Variants in NEK10 observed in about 807,000 individuals in gnomAD.
The protein encoded by NEK10 is NIMA related kinase 10.
A neutral mutation model predicts 159.8 loss-of-function variants in NEK10; 122 were observed. The ratio of observed to expected loss-of-function variants is 0.76; its 90% CI spans 0.66 to 0.89. The LOEUF is 0.89. NEK10 is among the 40% of genes least tolerant of loss of function. The probability of loss-of-function intolerance (pLI) is 0.00; values close to 1 mark genes in which losing one functional copy is unlikely to be tolerated. For missense variants in NEK10, 1,342 were observed against 1,323.1 expected (o/e 1.01, Z -0.22); for synonymous variants, 466 against 457.1 (o/e 1.02, Z -0.25).
intron 31 of NEK10, among the ~76,000 whole-genome samples, chr3:27,139,277 A>G (rs1037530352): frequency 6.6e-6 from 1 of 152,212 alleles, no homozygotes; most frequent in Non-Finnish European, 1.5e-5. Context: ...AATTAAAAAT[A>G]GCTTGCCACT....
chr3:27,368,575 G>C (rs990952801), intron 1 of NEK10, among the ~76,000 whole-genome samples: 1 of 152,180 alleles, frequency 6.6e-6, no homozygotes, highest in Admixed American at 6.5e-5. Flanking sequence ...GTCGTCTAGA[G>C]TGTAGTTTTT....
intron 25 of NEK10, among the ~76,000 whole-genome samples, chr3:27,195,502 T>G (rs773951834): frequency 2.6e-5 from 4 of 152,234 alleles, no homozygotes; most frequent in Non-Finnish European, 4.4e-5. Flanking sequence ...GTCTTAACTT[T>G]AAATGAAAAT....
chr3:27,268,523 T>C (rs533283232), intron 22 of NEK10, among the ~76,000 whole-genome samples: 2 of 152,180 alleles, frequency 1.3e-5, no homozygotes, highest in Admixed American at 6.5e-5. Context: ...ACTCTGCTTG[T>C]TGTCTATAAG....
intron 26 of NEK10, among the ~76,000 whole-genome samples, chr3:27,181,336 T>C (rs542561180): frequency 1.3e-5 from 2 of 152,144 alleles, no homozygotes; most frequent in South Asian, 2.1e-4. Context: ...TTCTTTCCTC[T>C]AGCTTGTTAT....
chr3:27,171,246 G>C (rs1946954512), intron 29 of NEK10, among the ~76,000 whole-genome samples: 1 of 152,120 alleles, frequency 6.6e-6, no homozygotes, highest in Non-Finnish European at 1.5e-5. Context: ...ATTTTGCTTT[G>C]CCTTTAAAAG....
intron 23 of NEK10, among the ~76,000 whole-genome samples, chr3:27,248,257 T>C (rs1016452904): frequency 6.6e-6 from 1 of 151,860 alleles, no homozygotes; most frequent in African/African-American, 2.4e-5. Flanking sequence ...GTCTTCTCCC[T>C]TTTTTTTAGT....
intron 23 of NEK10, among the ~76,000 whole-genome samples, chr3:27,210,432 A>C (rs1950906707): frequency 6.6e-6 from 1 of 152,174 alleles, no homozygotes; most frequent in African/African-American, 2.4e-5. Flanking sequence ...GCGATCTCTT[A>C]AAGGTCCCAT....
intron 13 of NEK10, among the ~76,000 whole-genome samples, chr3:27,300,184 G>C (rs950879511): frequency 2.6e-5 from 4 of 152,176 alleles, no homozygotes; most frequent in Non-Finnish European, 1.5e-5. Flanking sequence ...CCAGTGAGAG[G>C]TGATTGAATT....
At chr3:27,322,581 G>A (rs1399857187) in intron 5 of NEK10, among the ~76,000 whole-genome samples, 1 of 152,092 alleles carries the variant, frequency 6.6e-6, no homozygotes, top group Non-Finnish European at 1.5e-5. Context: ...GTCTAACTTG[G>A]TAAGAATTTA....
At position 27,109,002 on chromosome 3, in the gene NEK10, T is replaced by C. The variant is rs1171964593; in HGVS notation, c.*2270A>G. Among the ~76,000 whole-genome samples the C allele has an allele frequency of 6.6e-6, 1 of 152,226 alleles. No individual in the cohort carries two copies. The highest frequency in any genetic ancestry group is 6.5e-5 in the Admixed American group (1 of 15,282). ...CACATAGAGTTGATAGGCCTGAAGCTGTTGTTAAAAAGGACAGCTTCTGCT... is the reference window on the plus strand; with the variant it reads ...CACATAGAGTTGATAGGCCTGAAGCCGTTGTTAAAAAGGACAGCTTCTGCT... On this transcript the variant is annotated 3_prime_UTR_variant, in exon 36 of 36. Transcript: ENST00000691995.
intron 22 of NEK10, among the ~76,000 whole-genome samples, chr3:27,261,473 G>A (rs1294998803): frequency 2.6e-5 from 4 of 152,062 alleles, no homozygotes; most frequent in South Asian, 4.1e-4. Context: ...CCTTCATTTC[G>A]TTATGTACCC....
At chr3:27,199,815 G>A (rs1949890123) in intron 25 of NEK10, among the ~76,000 whole-genome samples, 3 of 152,094 alleles carry the variant, frequency 2.0e-5, no homozygotes, top group African/African-American at 7.2e-5. Context: ...GTAGGAACAT[G>A]GCTGGAGCTG....
At chr3:27,206,519 C>T (rs1950559078) in intron 23 of NEK10, 1 of 880,866 alleles carries the variant, frequency 1.1e-6, no homozygotes, top group African/African-American at 1.8e-5. Flanking sequence ...CATATAATGA[C>T]CCTTCAGTGG....
chr3:27,182,157 T>A (rs1348218606), intron 26 of NEK10, among the ~76,000 whole-genome samples: 1 of 152,156 alleles, frequency 6.6e-6, no homozygotes, highest in African/African-American at 2.4e-5. Context: ...TTAATAACAA[T>A]ATACTGTATT....
chr3:27,297,292 T>C (rs1004931480), intron 13 of NEK10, 52 bp from the exon 14 acceptor site: 52 of 1,202,840 alleles, frequency 4.3e-5, no homozygotes, highest in East Asian at 1.4e-4. Flanking sequence ...ATAAATATAC[T>C]ATCACATAAA....
rs1328487823 is a variant in NEK10 at position 27,344,376 on chromosome 3, A to T, written c.264-6T>A. On this transcript the variant is annotated splice_polypyrimidine_tract_variant and splice_region_variant and intron_variant, in intron 4 of 35. Coordinates refer to ENST00000691995, the MANE Select transcript of NEK10 (RefSeq NM_001394966.1). ...TCTCATTCTTGTAGTTTATACTGAG[A>T]CAAAACAAACAGAAAAGGATTTTGT... 7.0e-7 allele frequency: 1 copy of T among 1,434,854 alleles called. No homozygotes were observed. The highest frequency in any genetic ancestry group is 1.8e-5 in the Admixed American group (1 of 55,558). 88.9% of individuals were successfully genotyped at this position (1,434,854 alleles called of 1,614,324 possible). A position where few individuals can be genotyped will look rare whatever the true frequency, so the allele number is the denominator to read the frequency against.
At chr3:27,239,550 T>G (rs956204954) in intron 23 of NEK10, among the ~76,000 whole-genome samples, 5 of 152,172 alleles carry the variant, frequency 3.3e-5, no homozygotes, top group African/African-American at 1.2e-4. Flanking sequence ...AGAAAATCTG[T>G]AAGTTAAAAA....
chr3:27,294,145 A>T (rs1231976926), intron 15 of NEK10, among the ~76,000 whole-genome samples: 3 of 152,230 alleles, frequency 2.0e-5, no homozygotes, highest in African/African-American at 7.2e-5. Flanking sequence ...AGTCTTAAGC[A>T]TTCCCCAAAT....
In NEK10 at chr3:27,218,736, TAAAAAAAAAA is replaced by T. The variant is rs1178048499; in HGVS notation, c.2091-16189_2091-16180del. On this transcript the variant is annotated intron_variant, in intron 23 of 35. Transcript: ENST00000691995. Reference sequence around the variant, plus strand: ...AACATCATATTAACAGAATGAAGTCTAAAAAAAAAAAAAAAAAAAGGATCATCTTAGTAAA... The same window carrying T: ...AACATCATATTAACAGAATGAAGTCTAAAAAAAAAGGATCATCTTAGTAAA... 9.7e-5 allele frequency among the ~76,000 whole-genome samples: 9 copies of T among 93,182 alleles called. No individual in the cohort carries two copies. The South Asian group carries it at 3.2e-3, about 33-fold the overall frequency. The allele number at this position is 93,182 out of a possible 152,430, so 61.1% of individuals were successfully genotyped here.
Sources: allele counts gnomAD v4.1 joint callset (sites outside exome capture counted in the v4.1 genomes callset), GRCh38; gene constraint gnomAD v4.1.1; transcripts MANE v1.5; gene names NCBI Gene and HGNC (gene_info 2026-07-23, HGNC 2026-07-21).